The following AGPAT1 variants were observed in gnomAD, a reference collection of about 807,000 sequenced individuals.
AGPAT1 encodes 1-acylglycerol-3-phosphate O-acyltransferase 1, also known as 1-acyl-sn-glycerol-3-phosphate acyltransferase alpha.
A neutral mutation model predicts 31.2 loss-of-function variants in AGPAT1; 6 were observed. The ratio of observed to expected loss-of-function variants is 0.19; its 90% CI spans 0.11 to 0.38. The LOEUF (loss-of-function observed/expected upper bound fraction) is 0.38, where lower values mean the gene tolerates loss of function less well. Among genes scored for constraint, AGPAT1 ranks in the 10% least tolerant of loss-of-function variants. The pLI is 1.00. For missense variants in AGPAT1, 187 were observed against 377.8 expected, an observed-to-expected ratio of 0.49 and a Z score of 4.19; for synonymous variants, 139 against 154.0, an observed-to-expected ratio of 0.90 and a Z score of 0.72.
rs1785270778 is a variant in AGPAT1, at chr6:32,173,422, T to C, written c.-9-1917A>G. 6.6e-6 allele frequency among the ~76,000 whole-genome samples: 1 copy of C among 152,192 alleles called. No homozygotes were observed. Among genetic ancestry groups the C allele is most frequent in the Non-Finnish European group, 1.5e-5 (1 of 68,032 alleles). On this transcript the variant is annotated intron_variant, in intron 1 of 6. Transcript: ENST00000375107. The surrounding 1 kb of genome is among the most constrained non-coding windows in gnomAD (Gnocchi z 4.7). ...CTGCCCCTACAAGTTCAGAACAGCA[T>C]CATTTCTCCCCTGAACTATGTGGAG... is the stretch of plus-strand genomic sequence containing the variant.
Position 32,170,782 on chromosome 6 carries a change from G to T in AGPAT1, c.334+155C>A. The T allele has an allele frequency of 8.0e-7, 1 of 1,246,994 alleles. No homozygotes were observed. The highest frequency in any genetic ancestry group is 1.1e-6 in the Non-Finnish European group (1 of 876,300). The allele number at this position is 1,246,994 out of a possible 1,614,324, so 77.2% of individuals were successfully genotyped here. ...AAGTATATGTAACCTGCTTATGAGG[G>T]CAGTTCTACCCAGGGAATGAAGGCC... On this transcript the variant is annotated intron_variant, in intron 3 of 6. Coordinates refer to ENST00000375107, the MANE Select transcript of AGPAT1 (RefSeq NM_006411.4). The surrounding 1 kb of genome is among the most constrained non-coding windows in gnomAD (Gnocchi z 7.7).
Position 32,168,999 on chromosome 6 carries a change from G to T in AGPAT1, c.*277C>A, listed in dbSNP as rs576195877. ...CTCCCTTGTGTAGGCTGAGTCACTG[G>T]AGATGAGGGGGAGGCAACTGTCCCA... On this transcript the variant is annotated 3_prime_UTR_variant, in exon 7 of 7. Transcript: ENST00000375107. The surrounding 1 kb of genome is among the most constrained non-coding windows in gnomAD (Gnocchi z 4.5). The T allele has an allele frequency of 1.5e-5, 8 of 517,762 alleles. No individual in the cohort carries two copies. In the Admixed American group the frequency reaches 2.3e-4, roughly 15 times the overall value. The allele number at this position is 517,762 out of a possible 1,614,324, so 32.1% of individuals were successfully genotyped here.
chr6:32,169,222 G>A lies in AGPAT1; in HGVS notation c.*54C>T, dbSNP rs920002257. 19 of 1,582,006 alleles carry A rather than the reference G, an allele frequency of 1.2e-5. No homozygotes were observed. The African/African-American group carries it at 1.7e-4, about 15-fold the overall frequency. ...CCCTGCTTCAGGGCCCACTGGGTGG[G>A]TAGGTGTGGGGAGGAAGATGGGGAC... On this transcript the variant is annotated 3_prime_UTR_variant, in exon 7 of 7. Transcript: ENST00000375107. The surrounding 1 kb of genome is among the most constrained non-coding windows in gnomAD (Gnocchi z 5.9).
chr6:32,177,023 C>G (rs1785620937), upstream of AGPAT1: 1 of 398,578 alleles, frequency 2.5e-6, no homozygotes, highest in Admixed American at 4.4e-5. Context: ...TTCATTTCCA[C>G]CTTTCCCTCT....
upstream of AGPAT1, chr6:32,177,340 TAAA>T (rs1025665765): frequency 3.5e-5 from 13 of 368,818 alleles, no homozygotes; most frequent in Non-Finnish European, 6.3e-5. Flanking sequence ...GGGCAAATTA[TAAA>T]GAGGAAAGGG....
Position 32,175,650 on chromosome 6 carries a change from C to T in AGPAT1, c.-10+164G>A, listed in dbSNP as rs1264450148. ...TTCCATCCTTCCTCCCTCTCAGGTC[C>T]CCTCTCCTATCCCCAGCAACCCTCT... On this transcript the variant is annotated intron_variant, in intron 1 of 6. Coordinates refer to ENST00000375107, the MANE Select transcript of AGPAT1 (RefSeq NM_006411.4). The surrounding 1 kb of genome is among the most constrained non-coding windows in gnomAD (Gnocchi z 4.5). 6.6e-6 allele frequency among the ~76,000 whole-genome samples: 1 copy of T among 152,054 alleles called. No individual in the cohort carries two copies.
At chr6:32,178,004 A>C (rs1785734371), upstream of AGPAT1, 1 of 152,422 alleles carries the variant, frequency 6.6e-6, no homozygotes, top group Admixed American at 6.5e-5. Context: ...GTTTTACCTA[A>C]CCACCATTTT....
rs1785309209 is a variant in AGPAT1, at chr6:32,173,905, TCTCA to T, written c.-10+1905_-10+1908del. Among the ~76,000 whole-genome samples the T allele has an allele frequency of 6.6e-6, 1 of 152,198 alleles. No homozygotes were observed. The highest frequency in any genetic ancestry group is 2.4e-5 in the African/African-American group (1 of 41,444). ...AGGTCCAGCAATCTGTTTTTCTTTT[TCTCA>T]CTCTGTCACTCAGGCTGGTTTTGAA... On this transcript the variant is annotated intron_variant, in intron 1 of 6. Transcript: ENST00000375107. This position sits in a 1 kb window ranked among gnomAD's most constrained non-coding sequence, Gnocchi z 4.7.
At position 32,170,769 on chromosome 6, in the gene AGPAT1, C is replaced by T; in HGVS notation, c.334+168G>A. The T allele has an allele frequency of 8.2e-7, 1 of 1,218,434 alleles. No individual in the cohort carries two copies. Among genetic ancestry groups the T allele is most frequent in the Non-Finnish European group, 1.2e-6 (1 of 850,094 alleles). The allele number at this position is 1,218,434 out of a possible 1,614,324, so 75.5% of individuals were successfully genotyped here. A position where few individuals can be genotyped will look rare whatever the true frequency, so the allele number is the denominator to read the frequency against. ...AAAGGGTGACCAAAAGTATATGTAA[C>T]CTGCTTATGAGGGCAGTTCTACCCA... On this transcript the variant is annotated intron_variant, in intron 3 of 6. Transcript: ENST00000375107. This position sits in a 1 kb window ranked among gnomAD's most constrained non-coding sequence, Gnocchi z 7.7.
Position 32,171,346 on chromosome 6 carries a change from G to A in AGPAT1, c.151C>T (p.Leu51Phe). 2.5e-6 allele frequency: 4 copies of A among 1,613,150 alleles called. No individual in the cohort carries two copies. The highest frequency in any genetic ancestry group is 3.4e-6 in the Non-Finnish European group (4 of 1,180,046). The change falls in exon 2 of 7, where the codon CTC becomes TTC. Residue 51 changes from leucine (L) to phenylalanine (F), a missense_variant. Leu to Phe is a conservative substitution (Grantham distance 22). Transcript: ENST00000375107. This position sits in a 1 kb window ranked among gnomAD's most constrained non-coding sequence, Gnocchi z 6.9. ...CGCACGGCACACACAGGGATGGCGA[G>A]CACAGCCAGGAAGAGGATCCAGCCA... ...YNGWILFLAVLAIPVCAVRGR... is the reference protein window; with the variant it reads ...YNGWILFLAVFAIPVCAVRGR...
In AGPAT1 at chr6:32,168,275, C is replaced by T. The variant is rs147503745; in HGVS notation, c.*1001G>A. Reference sequence around the variant, plus strand: ...CCAGATAATTAATAAAAACCAACCACGCAAAACTGGGTCCCACCCTCTCCT... The same window carrying T: ...CCAGATAATTAATAAAAACCAACCATGCAAAACTGGGTCCCACCCTCTCCT... On this transcript the variant is annotated 3_prime_UTR_variant, in exon 7 of 7. Coordinates refer to ENST00000375107, the MANE Select transcript of AGPAT1 (RefSeq NM_006411.4). The surrounding 1 kb of genome is among the most constrained non-coding windows in gnomAD (Gnocchi z 4.5). The T allele has an allele frequency of 2.7e-5, 10 of 364,578 alleles. No individual in the cohort carries two copies. Among genetic ancestry groups the T allele is most frequent in the East Asian group, 9.1e-5 (2 of 22,052 alleles). 22.6% of individuals were successfully genotyped at this position (364,578 alleles called of 1,614,324 possible). A position where few individuals can be genotyped will look rare whatever the true frequency, so the allele number is the denominator to read the frequency against.
rs1026964918 is a variant in AGPAT1 at position 32,169,775 on chromosome 6, G to A, written c.679+191C>T. On this transcript the variant is annotated intron_variant, in intron 6 of 6. Transcript: ENST00000375107. The surrounding 1 kb of genome is among the most constrained non-coding windows in gnomAD (Gnocchi z 5.9). ...AAGATTAGTAACAGCCTCTCTTGGT[G>A]GGACCAAGTGCTACCCATCTGGCAG... The A allele has an allele frequency of 1.6e-6, 1 of 629,914 alleles. No individual in the cohort carries two copies. The highest frequency in any genetic ancestry group is 2.8e-6 in the Non-Finnish European group (1 of 358,186). The allele number at this position is 629,914 out of a possible 1,614,324, so 39.0% of individuals were successfully genotyped here. A position where few individuals can be genotyped will look rare whatever the true frequency, so the allele number is the denominator to read the frequency against.
Position 32,170,144 on chromosome 6 carries a change from A to G in AGPAT1, c.606+21T>C, listed in dbSNP as rs1287011597. 3.1e-6 allele frequency: 5 copies of G among 1,613,730 alleles called. No homozygotes were observed. In the Admixed American group the frequency reaches 8.3e-5, roughly 27 times the overall value. Reference sequence around the variant, plus strand: ...TGGTGGGGGTTGGCAGCTGAGTAGCAGAACGAAGAGCAGTAGTCACCTGGG... The same window carrying G: ...TGGTGGGGGTTGGCAGCTGAGTAGCGGAACGAAGAGCAGTAGTCACCTGGG... On this transcript the variant is annotated intron_variant, in intron 5 of 6. Coordinates refer to ENST00000375107, the MANE Select transcript of AGPAT1 (RefSeq NM_006411.4). The surrounding 1 kb of genome is among the most constrained non-coding windows in gnomAD (Gnocchi z 7.7).
chr6:32,170,902 G>T lies in AGPAT1; in HGVS notation c.334+35C>A. ...GGGAAGGTTTCAGGAGGGGAGGCAT[G>T]GCTGGGGGAGGTGTGCCCTGTGGTG... On this transcript the variant is annotated intron_variant, in intron 3 of 6. Coordinates refer to ENST00000375107, the MANE Select transcript of AGPAT1 (RefSeq NM_006411.4). The surrounding 1 kb of genome is among the most constrained non-coding windows in gnomAD (Gnocchi z 7.7). 6.3e-7 allele frequency: 1 copy of T among 1,593,130 alleles called. No homozygotes were observed. The highest frequency in any genetic ancestry group is 1.1e-5 in the South Asian group (1 of 90,044).
At position 32,176,012 on chromosome 6, in the gene AGPAT1, G is replaced by A. The variant is rs1300253102; in HGVS notation, c.-208C>T. 1 of 985,174 alleles carries A rather than the reference G, an allele frequency of 1.0e-6. No homozygotes were observed. Among genetic ancestry groups the A allele is most frequent in the African/African-American group, 1.8e-5 (1 of 57,132 alleles). The allele number at this position is 985,174 out of a possible 1,614,324, so 61.0% of individuals were successfully genotyped here. A position where few individuals can be genotyped will look rare whatever the true frequency, so the allele number is the denominator to read the frequency against. On this transcript the variant is annotated 5_prime_UTR_variant, in exon 1 of 7. Transcript: ENST00000375107. ...GGCCCATAGCGGTAGGAATGGTGGG[G>A]GGCTGTCCCCCCAGCACCCTCCCTC...
Position 32,171,476 on chromosome 6 carries a change from T to C in AGPAT1, c.21A>G (p.Ala7=). The part of the protein sequence containing the change: MDLWPG[A]WMLLLLLFLL... ...GGAAGAGCAGCAGCAGCAGCATCCA[T>C]GCCCCTGGCCACAAATCCATTCTGG... The change falls in exon 2 of 7, where the codon GCA becomes GCG. Residue 7 remains alanine, a synonymous_variant. Transcript: ENST00000375107. The surrounding 1 kb of genome is among the most constrained non-coding windows in gnomAD (Gnocchi z 6.9). 8 of 1,601,816 alleles carry C rather than the reference T, an allele frequency of 5.0e-6. No individual in the cohort carries two copies. The highest frequency in any genetic ancestry group is 6.0e-6 in the Non-Finnish European group (7 of 1,175,168).
rs2127422676 is a variant in AGPAT1, at chr6:32,175,690, T to G, written c.-10+124A>C. Reference sequence around the variant, plus strand: ...AGCAACCCTCTTCCCAGTCGGCCCCTCTCCTTTCCCCAGCAACCCTCTCCC... The same window carrying G: ...AGCAACCCTCTTCCCAGTCGGCCCCGCTCCTTTCCCCAGCAACCCTCTCCC... On this transcript the variant is annotated intron_variant, in intron 1 of 6. Transcript: ENST00000375107. The surrounding 1 kb of genome is among the most constrained non-coding windows in gnomAD (Gnocchi z 4.5). The G allele has an allele frequency of 2.5e-6, 1 of 395,190 alleles. No homozygotes were observed. The highest frequency in any genetic ancestry group is 3.4e-6 in the Non-Finnish European group (1 of 290,732). The allele number at this position is 395,190 out of a possible 1,614,324, so 24.5% of individuals were successfully genotyped here.
rs763337279 is a variant in AGPAT1 at position 32,169,670 on chromosome 6, C to T, written c.680-222G>A. Among the ~76,000 whole-genome samples the T allele has an allele frequency of 9.2e-5, 14 of 152,204 alleles. No homozygotes were observed. The highest frequency in any genetic ancestry group is 1.6e-4 in the Non-Finnish European group (11 of 68,034). On this transcript the variant is annotated intron_variant, in intron 6 of 6. Coordinates refer to ENST00000375107, the MANE Select transcript of AGPAT1 (RefSeq NM_006411.4). The surrounding 1 kb of genome is among the most constrained non-coding windows in gnomAD (Gnocchi z 5.9). ...ATCTCCTCAGCACCCCTCCAGCCCC[C>T]CTCCTCTGGGTTTGGCATTTACTGC...
At position 32,172,383 on chromosome 6, in the gene AGPAT1, T is replaced by C. The variant is rs1384955864; in HGVS notation, c.-9-878A>G. Among the ~76,000 whole-genome samples the C allele has an allele frequency of 2.6e-5, 4 of 152,190 alleles. No homozygotes were observed. Among genetic ancestry groups the C allele is most frequent in the African/African-American group, 9.7e-5 (4 of 41,436 alleles). ...AAGAAAATATATTACTAAAATTAAT[T>C]TCACTCTTTTTGCCTTGTAAAAATG... On this transcript the variant is annotated intron_variant, in intron 1 of 6. Transcript: ENST00000375107. This position sits in a 1 kb window ranked among gnomAD's most constrained non-coding sequence, Gnocchi z 4.3.
Sources: allele counts gnomAD v4.1 joint callset (sites outside exome capture counted in the v4.1 genomes callset), GRCh38; gene constraint gnomAD v4.1.1; non-coding constraint Gnocchi (gnomAD v3.1); transcripts MANE v1.5; gene names NCBI Gene and HGNC (gene_info 2026-07-23, HGNC 2026-07-21).